Variants in MC2R observed in about 807,000 individuals in gnomAD.
The protein encoded by MC2R is melanocortin 2 receptor, also known as adrenocorticotropic hormone receptor.
Under a neutral mutation model 9.8 loss-of-function variants are expected in MC2R, and 9 were observed. The observed-to-expected ratio is 0.92, with a 90% CI of 0.55 to 1.60. The LOEUF (loss-of-function observed/expected upper bound fraction) is 1.60, where lower values mean the gene tolerates loss of function less well. Ranked by LOEUF, MC2R falls within the 40% of genes most tolerant of loss-of-function variation. MC2R has a pLI of 0.00. For synonymous variants in MC2R, 185 were observed against 154.7 expected, an observed-to-expected ratio of 1.20 and a Z score of -1.45; for missense variants, 370 against 389.0, an observed-to-expected ratio of 0.95 and a Z score of 0.41.
rs755290167 is a variant in MC2R at position 13,885,227 on chromosome 18, A to G, written c.292T>C (p.Phe98Leu). Residue 98 changes from phenylalanine (F) to leucine (L), a missense_variant, in exon 2 of 2, where the codon TTT becomes CTT. Phe to Leu is a conservative substitution (Grantham distance 22). Transcript: ENST00000327606. The part of the protein sequence containing the change: ...NMGYLKPRGS[F>L]ETTADDIIDS... The stretch of plus-strand genomic sequence containing the variant: ...ATGATGTCATCGGCTGTGGTTTCAA[A>G]ACTGCCACGTGGCTTGAGATAGCCC... 6.2e-7 allele frequency: 1 copy of G among 1,614,154 alleles called. No homozygotes were observed. The highest frequency in any genetic ancestry group is 2.2e-5 in the East Asian group (1 of 44,878).
At chr18:13,899,035 T>C (rs2045363529) in intron 1 of MC2R, among the ~76,000 whole-genome samples, 1 of 152,062 alleles carries the variant, frequency 6.6e-6, no homozygotes, top group African/African-American at 2.4e-5. Context: ...AGGCACCAAT[T>C]CTGGAGAAAA....
intron 1 of MC2R, among the ~76,000 whole-genome samples, chr18:13,887,161 A>C (rs2045281257): frequency 6.8e-6 from 1 of 146,494 alleles, no homozygotes; most frequent in African/African-American, 2.5e-5. Context: ...CTGCTGGGGA[A>C]GCCTCGGGGA....
chr18:13,908,167 TA>T (rs1420474912), intron 1 of MC2R, among the ~76,000 whole-genome samples: 1 of 152,206 alleles, frequency 6.6e-6, no homozygotes, highest in Non-Finnish European at 1.5e-5. Flanking sequence ...AAATGTGGTA[TA>T]TAAACATAAT....
At chr18:13,904,382 A>G (rs2045399304) in intron 1 of MC2R, among the ~76,000 whole-genome samples, 1 of 47,570 alleles carries the variant, frequency 2.1e-5, no homozygotes, top group Admixed American at 1.8e-4. Flanking sequence ...CCCCGTCTCA[A>G]AAAAAAAAAA....
chr18:13,904,917 C>T (rs1445872056), intron 1 of MC2R, among the ~76,000 whole-genome samples: 1 of 152,068 alleles, frequency 6.6e-6, no homozygotes, highest in African/African-American at 2.4e-5. Flanking sequence ...AATGTAAAAC[C>T]CAAAACCTTA....
intron 1 of MC2R, among the ~76,000 whole-genome samples, chr18:13,894,136 T>TTGTG (rs35649882): frequency 7.9e-4 from 118 of 149,046 alleles, no homozygotes; most frequent in African/African-American, 2.2e-3. Flanking sequence ...GCATGTGTGT[T>TTGTG]TGTGTGTGTG....
chr18:13,915,174 C>T (rs2045469150), intron 1 of MC2R, among the ~76,000 whole-genome samples: 1 of 152,154 alleles, frequency 6.6e-6, no homozygotes, highest in Non-Finnish European at 1.5e-5. Flanking sequence ...TGTTTCACCC[C>T]TAATTCTATT....
intron 1 of MC2R, among the ~76,000 whole-genome samples, chr18:13,890,003 T>G (rs1249108023): frequency 6.6e-6 from 1 of 152,184 alleles, no homozygotes; most frequent in Non-Finnish European, 1.5e-5. Flanking sequence ...TCTTAGCGCT[T>G]CCATGAATAT....
intron 1 of MC2R, among the ~76,000 whole-genome samples, chr18:13,892,514 G>A (rs965219032): frequency 2.0e-5 from 3 of 152,266 alleles, no homozygotes; most frequent in Admixed American, 6.5e-5. Context: ...GATGAGCCCA[G>A]CTCACCTTGG....
intron 1 of MC2R, among the ~76,000 whole-genome samples, chr18:13,901,775 G>C (rs1422584212): frequency 1.3e-5 from 2 of 152,102 alleles, no homozygotes; most frequent in East Asian, 3.8e-4. Context: ...GTGACCTAAT[G>C]GCTTCACTGC....
At chr18:13,885,831 G>C (rs1267959287) in intron 1 of MC2R, among the ~76,000 whole-genome samples, 185 bp from the exon 2 acceptor site, 2 of 152,170 alleles carry the variant, frequency 1.3e-5, no homozygotes, top group African/African-American at 4.8e-5. Context: ...ATCAACTAAA[G>C]TGTTCATCAA....
chr18:13,902,470 C>T lies in MC2R; in HGVS notation c.-129+13018G>A, dbSNP rs570773515. 8.5e-5 allele frequency among the ~76,000 whole-genome samples: 13 copies of T among 152,228 alleles called. 1 individual carries two copies. The South Asian group carries it at 2.7e-3, about 32-fold the overall frequency. On this transcript the variant is annotated intron_variant, in intron 1 of 1. Transcript: ENST00000327606. ...AGAGAGCTGTAGTAACCAAAACAGG[C>T]ATGGTACTGGTATAAAAACAGACAC...
intron 1 of MC2R, among the ~76,000 whole-genome samples, chr18:13,912,453 A>G (rs975482005): frequency 3.3e-5 from 5 of 152,182 alleles, no homozygotes; most frequent in African/African-American, 1.2e-4. Flanking sequence ...CCTAGCTCTG[A>G]AACAGGTATG....
chr18:13,901,173 T>A (rs1036645131), intron 1 of MC2R, among the ~76,000 whole-genome samples: 5 of 151,956 alleles, frequency 3.3e-5, no homozygotes, highest in African/African-American at 4.8e-5. Flanking sequence ...TTAAATAAAT[T>A]GAAAAATTTT....
rs2045316316 is a variant in MC2R at position 13,891,640 on chromosome 18, T to A, written c.-128-5994A>T. Among the ~76,000 whole-genome samples, 3 of 152,314 alleles carry A rather than the reference T, an allele frequency of 2.0e-5. No homozygotes were observed. The South Asian group carries it at 6.2e-4, about 32-fold the overall frequency. ...TACACATCTGGGGACTGTTTCAGCATCTTACTTTGGTCTATATTCTTGCTG... is the reference window on the plus strand; with the variant it reads ...TACACATCTGGGGACTGTTTCAGCAACTTACTTTGGTCTATATTCTTGCTG... On this transcript the variant is annotated intron_variant, in intron 1 of 1. Coordinates refer to ENST00000327606, the MANE Select transcript of MC2R (RefSeq NM_000529.2).
At chr18:13,888,900 C>T (rs929559219) in intron 1 of MC2R, among the ~76,000 whole-genome samples, 1 of 152,192 alleles carries the variant, frequency 6.6e-6, no homozygotes. Flanking sequence ...CTGCACCTGC[C>T]ATATGTCTGG....
chr18:13,899,125 G>A (rs1598465124), intron 1 of MC2R, among the ~76,000 whole-genome samples: 1 of 152,062 alleles, frequency 6.6e-6, no homozygotes, highest in South Asian at 2.1e-4. Context: ...CAACAGAGAA[G>A]GAATTCAGAA....
upstream of MC2R, chr18:13,915,621 T>C (rs2045471677): frequency 6.6e-6 from 1 of 152,554 alleles, no homozygotes; most frequent in South Asian, 2.1e-4. Flanking sequence ...GCTAGATTGT[T>C]ATCATTACCT....
At chr18:13,910,327 G>A (rs1325089328) in intron 1 of MC2R, among the ~76,000 whole-genome samples, 1 of 152,146 alleles carries the variant, frequency 6.6e-6, no homozygotes, top group Non-Finnish European at 1.5e-5. Context: ...TGGCTTTAGA[G>A]TAAGTCTGAG....
Sources: allele counts gnomAD v4.1 joint callset (sites outside exome capture counted in the v4.1 genomes callset), GRCh38; gene constraint gnomAD v4.1.1; transcripts MANE v1.5; gene names NCBI Gene and HGNC (gene_info 2026-07-23, HGNC 2026-07-21).